ERBB4: variants seen among roughly 807,000 people sequenced by gnomAD.
ERBB4 encodes erb-b2 receptor tyrosine kinase 4, also known as receptor tyrosine-protein kinase erbB-4.
Under a neutral mutation model 158.0 loss-of-function variants are expected in ERBB4, and 42 were observed. That is an observed-to-expected ratio of 0.27 (90% CI 0.21 to 0.34). ERBB4 has a LOEUF of 0.34. ERBB4 is among the 10% of genes least tolerant of loss of function. ERBB4 has a pLI of 1.00. For missense variants in ERBB4, 1,333 were observed against 1,624.1 expected, an observed-to-expected ratio of 0.82 and a Z score of 3.08; for synonymous variants, 583 against 558.7, an observed-to-expected ratio of 1.04 and a Z score of -0.61.
intron 2 of ERBB4, among the ~76,000 whole-genome samples, chr2:212,039,512 A>C (rs1427663123): frequency 6.6e-6 from 1 of 152,168 alleles, no homozygotes; most frequent in South Asian, 2.1e-4. Context: ...AGAAAGTCAC[A>C]ACATAATTTC....
At chr2:211,703,914 A>G (rs183311662) in intron 11 of ERBB4, among the ~76,000 whole-genome samples, 190 bp downstream of exon 11, 1 of 152,334 alleles carries the variant, frequency 6.6e-6, no homozygotes. Context: ...TGAAAAATCA[A>G]AGTATGTATT....
intron 5 of ERBB4, among the ~76,000 whole-genome samples, chr2:211,736,681 T>C (rs968629101): frequency 2.0e-5 from 3 of 152,190 alleles, no homozygotes; most frequent in Non-Finnish European, 4.4e-5. Flanking sequence ...CAGCCTGCCA[T>C]AATGCCTTAT....
intron 2 of ERBB4, among the ~76,000 whole-genome samples, chr2:212,019,342 C>T (rs917240667): frequency 6.6e-6 from 1 of 152,042 alleles, no homozygotes; most frequent in East Asian, 1.9e-4. Context: ...TATGTGTTTG[C>T]TTATTCATAA....
At chr2:211,728,520 G>C (rs917877073) in intron 5 of ERBB4, among the ~76,000 whole-genome samples, 21 of 151,662 alleles carry the variant, frequency 1.4e-4, no homozygotes, top group Admixed American at 9.2e-4. Context: ...ACTTTTAACA[G>C]ACAGTTTTGT....
At chr2:212,459,700 G>A (rs966284901) in intron 1 of ERBB4, among the ~76,000 whole-genome samples, 1 of 152,216 alleles carries the variant, frequency 6.6e-6, no homozygotes, top group Admixed American at 6.5e-5. Context: ...TTAATACAAA[G>A]CTGCAGTATC....
chr2:211,908,461 A>G (rs1316689080), intron 3 of ERBB4, among the ~76,000 whole-genome samples: 2 of 151,744 alleles, frequency 1.3e-5, no homozygotes, highest in African/African-American at 2.4e-5. Flanking sequence ...ATAAAACCTT[A>G]CTTAATAAAG....
intron 1 of ERBB4, among the ~76,000 whole-genome samples, chr2:212,173,352 G>T (rs1177028502): frequency 6.6e-6 from 1 of 152,108 alleles, no homozygotes; most frequent in Non-Finnish European, 1.5e-5. Flanking sequence ...ACAGAAAGAA[G>T]TAAGCCCTGC....
At chr2:212,330,782 C>A (rs184663643) in intron 1 of ERBB4, among the ~76,000 whole-genome samples, 1 of 151,584 alleles carries the variant, frequency 6.6e-6, no homozygotes, top group African/African-American at 2.4e-5. Flanking sequence ...TATTTTCAAA[C>A]CTTATGTTTT....
chr2:212,088,831 C>G (rs951260703), intron 2 of ERBB4, among the ~76,000 whole-genome samples: 1 of 152,044 alleles, frequency 6.6e-6, no homozygotes, highest in Admixed American at 6.6e-5. Context: ...TTCATTGATT[C>G]ATACAATGGA....
intron 2 of ERBB4, among the ~76,000 whole-genome samples, chr2:212,013,461 T>C (rs914650951): frequency 6.6e-6 from 1 of 152,144 alleles, no homozygotes; most frequent in African/African-American, 2.4e-5. Flanking sequence ...TCCCTCAAAG[T>C]TCATGCCCAC....
At chr2:211,630,429 C>T (rs1405022982) in intron 17 of ERBB4, 33 bp downstream of exon 17, 1 of 1,612,242 alleles carries the variant, frequency 6.2e-7, no homozygotes, top group African/African-American at 1.3e-5. Context: ...TGAAAATCCC[C>T]AAACACATGA....
At chr2:212,142,458 C>A (rs2080513244) in intron 1 of ERBB4, among the ~76,000 whole-genome samples, 1 of 151,374 alleles carries the variant, frequency 6.6e-6, no homozygotes, top group Admixed American at 6.6e-5. Flanking sequence ...ATTTCTGATG[C>A]TCAGAATGTT....
chr2:212,506,307 T>C lies in ERBB4; in HGVS notation c.82+32142A>G, dbSNP rs1206110505. On this transcript the variant is annotated intron_variant, in intron 1 of 27. Coordinates refer to ENST00000342788, the MANE Select transcript of ERBB4 (RefSeq NM_005235.3). ...TGAAATAATTATAAATTAGGCCAAT[T>C]AATAACCATACAATGGTCTTTAAGT... Among the ~76,000 whole-genome samples, 4 of 148,570 alleles carry C rather than the reference T, an allele frequency of 2.7e-5. 1 individual carries two copies. Among genetic ancestry groups the C allele is most frequent in the African/African-American group, 2.4e-5 (1 of 41,192 alleles).
At chr2:211,384,189 C>T in intron 27 of ERBB4, 129 bp from the exon 28 acceptor site, 1 of 685,878 alleles carries the variant, frequency 1.5e-6, no homozygotes, top group Non-Finnish European at 2.5e-6. Flanking sequence ...CATGATTTCT[C>T]ACAACAAGTA....
At chr2:211,886,537 G>A (rs1297326277) in intron 3 of ERBB4, among the ~76,000 whole-genome samples, 2 of 152,112 alleles carry the variant, frequency 1.3e-5, no homozygotes, top group Non-Finnish European at 2.9e-5. Context: ...TGTGCCCACT[G>A]ACTATATAAA....
At chr2:212,415,428 G>A (rs1049171731) in intron 1 of ERBB4, among the ~76,000 whole-genome samples, 2 of 152,086 alleles carry the variant, frequency 1.3e-5, no homozygotes, top group Non-Finnish European at 2.9e-5. Context: ...CTGTTTGTGT[G>A]TGTCACTTAT....
chr2:211,889,441 G>A lies in ERBB4; in HGVS notation c.421+57989C>T, dbSNP rs1356741627. On this transcript the variant is annotated intron_variant, in intron 3 of 27. Coordinates refer to ENST00000342788, the MANE Select transcript of ERBB4 (RefSeq NM_005235.3). Reference sequence around the variant, plus strand: ...GACCAAAAGTAGATAAAACCACAAAGATGGGGAAAAAACAGAACAGAAAAA... The same window carrying A: ...GACCAAAAGTAGATAAAACCACAAAAATGGGGAAAAAACAGAACAGAAAAA... Among the ~76,000 whole-genome samples the A allele has an allele frequency of 2.0e-5, 3 of 150,042 alleles. No homozygotes were observed. The East Asian group carries it at 5.8e-4, about 29-fold the overall frequency.
chr2:211,428,371 CT>C lies in ERBB4; in HGVS notation c.2719+36del, dbSNP rs777783525. The C allele has an allele frequency of 2.5e-6, 3 of 1,192,822 alleles. No individual in the cohort carries two copies. The African/African-American group carries it at 4.5e-5, about 18-fold the overall frequency. 73.9% of individuals were successfully genotyped at this position (1,192,822 alleles called of 1,614,324 possible). ...CATGAACTTAACATATGTATTTTTG[CT>C]TTACAAGCTTTAATTCGCAAAGAAG... On this transcript the variant is annotated intron_variant, in intron 22 of 27. Transcript: ENST00000342788.
At chr2:211,507,380 A>T (rs73071146) in intron 20 of ERBB4, among the ~76,000 whole-genome samples, 5,671 of 152,154 alleles carry the variant, frequency 0.037, 359 homozygotes, top group African/African-American at 0.13. Flanking sequence ...AAAACCCTGA[A>T]ACCCATATCA....
Sources: allele counts gnomAD v4.1 joint callset (sites outside exome capture counted in the v4.1 genomes callset), GRCh38; gene constraint gnomAD v4.1.1; transcripts MANE v1.5; gene names NCBI Gene and HGNC (gene_info 2026-07-23, HGNC 2026-07-21).